The following TXNL1 variants were observed in gnomAD, a reference collection of about 807,000 sequenced individuals.
TXNL1 encodes thioredoxin-like protein 1.
Under a neutral mutation model 35.5 loss-of-function variants are expected in TXNL1, and 14 were observed. The ratio of observed to expected loss-of-function variants is 0.39; its 90% CI spans 0.26 to 0.62. The LOEUF is 0.62. Ranked by LOEUF, TXNL1 falls within the 20% of genes least tolerant of loss-of-function variation. TXNL1 has a pLI of 0.47. For missense variants in TXNL1, 263 were observed against 349.7 expected, an observed-to-expected ratio of 0.75 and a Z score of 1.98; for synonymous variants, 110 against 115.5, an observed-to-expected ratio of 0.95 and a Z score of 0.31.
At position 56,638,423 on chromosome 18, in the gene TXNL1, G is replaced by C. The variant is rs374373700; in HGVS notation, c.18C>G (p.Pro6=). 1.2e-6 allele frequency: 2 copies of C among 1,613,336 alleles called. No homozygotes were observed. The highest frequency in any genetic ancestry group is 1.7e-6 in the Non-Finnish European group (2 of 1,179,626). ...GCTGGAAATCCGGGTCGCTCCCGAC[G>C]GGCTTCACCCCCACCATCCTCACAG... MVGVK[P]VGSDPDFQPE... is the part of the protein sequence containing the mutation. The change falls in exon 1 of 8, where the codon CCC becomes CCG. Residue 6 remains proline (P), a synonymous_variant. Transcript: ENST00000217515.
At chr18:56,624,931 T>A (rs1598920832) in intron 2 of TXNL1, among the ~76,000 whole-genome samples, 1 of 152,170 alleles carries the variant, frequency 6.6e-6, no homozygotes, top group South Asian at 2.1e-4. Flanking sequence ...CGTCACCCAA[T>A]TTTTATTCTT....
chr18:56,614,364 C>A, intron 6 of TXNL1, 60 bp downstream of exon 6: 1 of 1,466,290 alleles, frequency 6.8e-7, no homozygotes. Flanking sequence ...ACCTAGGATA[C>A]TGAAAATAGT....
intron 7 of TXNL1, among the ~76,000 whole-genome samples, chr18:56,606,715 C>T (rs2023901205): frequency 6.6e-6 from 1 of 152,202 alleles, no homozygotes; most frequent in Non-Finnish European, 1.5e-5. Flanking sequence ...TTGAACTAAG[C>T]TTTGATTAAT....
intron 6 of TXNL1, among the ~76,000 whole-genome samples, chr18:56,613,013 A>AT (rs976505162): frequency 6.6e-6 from 1 of 151,620 alleles, no homozygotes; most frequent in African/African-American, 2.4e-5. Flanking sequence ...TAGTTCTTGT[A>AT]TTTTTTTGTA....
At chr18:56,622,286 A>T (rs2024201408) in intron 3 of TXNL1, among the ~76,000 whole-genome samples, 1 of 152,152 alleles carries the variant, frequency 6.6e-6, no homozygotes, top group South Asian at 2.1e-4. Context: ...TCTAGACTAA[A>T]GAACATTAAT....
rs994460571 is a variant in TXNL1 at position 56,638,588 on chromosome 18, T to A, written c.-148A>T. On this transcript the variant is annotated 5_prime_UTR_variant, in exon 1 of 8. Transcript: ENST00000217515. Reference sequence around the variant, plus strand: ...ACCGCCGAGTCTTCTCCCGGGACTCTCAGTGCCGAGTCACGCCAGGGAGCG... The same window carrying A: ...ACCGCCGAGTCTTCTCCCGGGACTCACAGTGCCGAGTCACGCCAGGGAGCG... 1.5e-6 allele frequency: 1 copy of A among 680,332 alleles called. No homozygotes were observed. The highest frequency in any genetic ancestry group is 2.3e-6 in the Non-Finnish European group (1 of 444,410). 42.1% of individuals were successfully genotyped at this position (680,332 alleles called of 1,614,324 possible).
chr18:56,614,486 T>C lies in TXNL1; in HGVS notation c.673A>G (p.Ile225Val), dbSNP rs2024050668. The change falls in exon 6 of 8, where the codon ATT (isoleucine) becomes GTT (valine). Residue 225 changes from isoleucine (I) to valine (V), a missense_variant. Ile to Val is a conservative substitution (Grantham distance 29). Transcript: ENST00000217515. ...TQALELTEDD[I>V]KEDGIVPLRY... is the part of the protein sequence containing the mutation. The stretch of plus-strand genomic sequence containing the variant: ...AGTGGAACAATGCCATCTTCTTTAA[T>C]ATCATCCTCTGTCAGTTCCAGAGCT... The C allele has an allele frequency of 1.9e-6, 3 of 1,614,010 alleles. No homozygotes were observed. Among genetic ancestry groups the C allele is most frequent in the Non-Finnish European group, 2.5e-6 (3 of 1,179,946 alleles).
chr18:56,615,075 T>C (rs2024061822), intron 5 of TXNL1, among the ~76,000 whole-genome samples: 1 of 152,196 alleles, frequency 6.6e-6, no homozygotes, highest in Non-Finnish European at 1.5e-5. Flanking sequence ...AGTGACAACA[T>C]TTAGCCAAAA....
intron 1 of TXNL1, among the ~76,000 whole-genome samples, chr18:56,629,718 T>C (rs1289760042): frequency 1.3e-5 from 2 of 152,220 alleles, no homozygotes; most frequent in East Asian, 3.8e-4. Context: ...AAGAATTTAG[T>C]GTTAACTGCA....
At chr18:56,604,230 G>C (rs753970699) in intron 7 of TXNL1, among the ~76,000 whole-genome samples, 10 of 151,424 alleles carry the variant, frequency 6.6e-5, no homozygotes, top group South Asian at 2.1e-4. Context: ...AAGAAATTCA[G>C]GTTTTAAGAG....
At chr18:56,632,013 A>G (rs1598924797) in intron 1 of TXNL1, among the ~76,000 whole-genome samples, 1 of 152,306 alleles carries the variant, frequency 6.6e-6, no homozygotes, top group African/African-American at 2.4e-5. Flanking sequence ...TGAAGATCAT[A>G]AGATGACCTG....
chr18:56,632,055 GC>G (rs2144334999), intron 1 of TXNL1, among the ~76,000 whole-genome samples: 1 of 152,252 alleles, frequency 6.6e-6, no homozygotes, highest in East Asian at 1.9e-4. Context: ...TGGCGGCAGG[GC>G]CACCACTAGA....
At chr18:56,628,501 A>C (rs1471747097) in intron 1 of TXNL1, among the ~76,000 whole-genome samples, 1 of 152,192 alleles carries the variant, frequency 6.6e-6, no homozygotes, top group East Asian at 1.9e-4. Flanking sequence ...AATAATGAAA[A>C]TAACTGGTAT....
chr18:56,620,882 G>GA (rs2024168339), intron 3 of TXNL1, among the ~76,000 whole-genome samples: 2 of 152,208 alleles, frequency 1.3e-5, no homozygotes, highest in Non-Finnish European at 2.9e-5. Flanking sequence ...AAATGTTATA[G>GA]TAAATGTATT....
intron 1 of TXNL1, among the ~76,000 whole-genome samples, chr18:56,633,839 C>G (rs545689134): frequency 6.6e-5 from 10 of 151,700 alleles, no homozygotes; most frequent in Non-Finnish European, 1.3e-4. Context: ...CAAAAATTAG[C>G]CATGTGTGGT....
rs2024283181 is a variant in TXNL1, at chr18:56,626,568, CTGTTTTTTTTGTTTTGTTT to C, written c.99-130_99-112del. The C allele has an allele frequency of 4.6e-5, 46 of 997,330 alleles. No homozygotes were observed. In the South Asian group the frequency reaches 8.0e-4, roughly 17 times the overall value. The allele number at this position is 997,330 out of a possible 1,614,324, so 61.8% of individuals were successfully genotyped here. A position where few individuals can be genotyped will look rare whatever the true frequency, so the allele number is the denominator to read the frequency against. ...ACTGATACTGCTGGCTTTTGACTCT[CTGTTTTTTTTGTTTTGTTT>C]TGTTTTTTGCTTTAGACAGAGTCTC... On this transcript the variant is annotated intron_variant, in intron 1 of 7. Coordinates refer to ENST00000217515, the MANE Select transcript of TXNL1 (RefSeq NM_004786.3).
intron 6 of TXNL1, among the ~76,000 whole-genome samples, chr18:56,612,733 T>C (rs1339823619): frequency 6.6e-6 from 1 of 152,204 alleles, no homozygotes; most frequent in African/African-American, 2.4e-5. Flanking sequence ...CACTCATTCG[T>C]CAGTTTTTAT....
chr18:56,623,219 G>A (rs956703177), intron 3 of TXNL1, among the ~76,000 whole-genome samples: 2 of 152,198 alleles, frequency 1.3e-5, no homozygotes, highest in African/African-American at 4.8e-5. Context: ...CCTGAGGTCA[G>A]GAGTTCGAGA....
intron 1 of TXNL1, among the ~76,000 whole-genome samples, chr18:56,628,164 T>C (rs182415202): frequency 1.3e-5 from 2 of 152,246 alleles, no homozygotes; most frequent in Admixed American, 6.5e-5. Context: ...TCATCAGGGA[T>C]ACCCGGGAAA....
Sources: allele counts gnomAD v4.1 joint callset (sites outside exome capture counted in the v4.1 genomes callset), GRCh38; gene constraint gnomAD v4.1.1; transcripts MANE v1.5; gene names NCBI Gene and HGNC (gene_info 2026-07-23, HGNC 2026-07-21).